ITPRID1: variants seen among roughly 807,000 people sequenced by gnomAD.
ITPRID1 encodes the protein protein ITPRID1.
In ITPRID1, 96 loss-of-function variants were observed where a neutral mutation model predicts 95.4. The ratio of observed to expected loss-of-function variants is 1.01; its 90% CI spans 0.85 to 1.19. The LOEUF (loss-of-function observed/expected upper bound fraction) is 1.19, where lower values mean the gene tolerates loss of function less well. Ranked by LOEUF, ITPRID1 falls within the 50% of genes most tolerant of loss-of-function variation. The pLI is 0.00. For synonymous variants in ITPRID1, 510 were observed against 453.6 expected, an observed-to-expected ratio of 1.12 and a Z score of -1.58; for missense variants, 1,339 against 1,252.9, an observed-to-expected ratio of 1.07 and a Z score of -1.04.
chr7:31,644,802 G>A (rs1790322609), intron 12 of ITPRID1, among the ~76,000 whole-genome samples: 1 of 152,184 alleles, frequency 6.6e-6, no homozygotes, highest in South Asian at 2.1e-4. Context: ...TGTATAGAGA[G>A]TTGAAAAGGT....
chr7:31,561,886 A>G (rs1784634523), intron 5 of ITPRID1, among the ~76,000 whole-genome samples: 1 of 152,126 alleles, frequency 6.6e-6, no homozygotes, highest in South Asian at 2.1e-4. Flanking sequence ...ATATGGATCC[A>G]TAGACCTTCC....
At chr7:31,572,265 C>A in intron 7 of ITPRID1, 77 bp downstream of exon 7, 1 of 895,626 alleles carries the variant, frequency 1.1e-6, no homozygotes, top group Non-Finnish European at 1.8e-6. Context: ...TATAAATAGG[C>A]ACTTGTTGAA....
At chr7:31,554,622 G>A (rs1039395469) in intron 4 of ITPRID1, 99 bp downstream of exon 4, 50 of 1,433,122 alleles carry the variant, frequency 3.5e-5, no homozygotes, top group Non-Finnish European at 4.5e-5. Context: ...GGGAAGTGTA[G>A]GGATTTTCAT....
rs760232536 is a variant in ITPRID1, at chr7:31,653,618, G to C, written c.*789G>C. 6.6e-6 allele frequency: 1 copy of C among 152,016 alleles called. No homozygotes were observed. Among genetic ancestry groups the C allele is most frequent in the Non-Finnish European group, 1.5e-5 (1 of 67,994 alleles). The allele number at this position is 152,016 out of a possible 1,614,324, so 9.4% of individuals were successfully genotyped here. A position where few individuals can be genotyped will look rare whatever the true frequency, so the allele number is the denominator to read the frequency against. The stretch of plus-strand genomic sequence containing the variant: ...GGGCAAATTGTGAGGGAGGTATTTA[G>C]CTTTTAAAAAAATCTTTGTAGCTAT... On this transcript the variant is annotated 3_prime_UTR_variant, in exon 15 of 15. Coordinates refer to ENST00000615280, the MANE Select transcript of ITPRID1 (RefSeq NM_001257967.3).
At chr7:31,599,662 T>C (rs370737488) in intron 10 of ITPRID1, among the ~76,000 whole-genome samples, 8,871 of 30,474 alleles carry the variant, frequency 0.29, 1,004 homozygotes, top group African/African-American at 0.43. Flanking sequence ...TTTCTTTCCT[T>C]TCTCTCTCTC....
At chr7:31,552,706 T>C (rs1318105904) in intron 2 of ITPRID1, among the ~76,000 whole-genome samples, 1 of 152,166 alleles carries the variant, frequency 6.6e-6, no homozygotes, top group African/African-American at 2.4e-5. Flanking sequence ...TCTAATTTCT[T>C]TGCTCTCCGT....
chr7:31,643,189 G>A lies in ITPRID1; in HGVS notation c.1819G>A (p.Asp607Asn). The change falls in exon 12 of 15, where the codon GAC becomes AAC. Residue 607 changes from aspartate to asparagine, a missense_variant. Coordinates refer to ENST00000615280, the MANE Select transcript of ITPRID1 (RefSeq NM_001257967.3). ...GTCACCTGGAAATGATCATACTCAAGACAAGTTCCTTCATGTTGACTCTGA... is the reference window on the plus strand; with the variant it reads ...GTCACCTGGAAATGATCATACTCAAAACAAGTTCCTTCATGTTGACTCTGA... ...QRSPGNDHTQ[D>N]KFLHVDSEAP... is the part of the protein sequence containing the mutation. 6 of 1,613,940 alleles carry A rather than the reference G, an allele frequency of 3.7e-6. No individual in the cohort carries two copies. The highest frequency in any genetic ancestry group is 5.1e-6 in the Non-Finnish European group (6 of 1,179,880).
intron 5 of ITPRID1, among the ~76,000 whole-genome samples, chr7:31,559,491 T>G (rs2128139065): frequency 6.6e-6 from 1 of 152,178 alleles, no homozygotes; most frequent in Non-Finnish European, 1.5e-5. Flanking sequence ...CAAAATCCTG[T>G]CTCTACTAAA....
chr7:31,520,111 C>G (rs1783193221), intron 1 of ITPRID1, among the ~76,000 whole-genome samples: 1 of 151,946 alleles, frequency 6.6e-6, no homozygotes, highest in African/African-American at 2.4e-5. Context: ...AAGTATACTG[C>G]AGACTTTTTT....
chr7:31,526,112 A>G (rs1309726678), intron 1 of ITPRID1, among the ~76,000 whole-genome samples: 1 of 152,214 alleles, frequency 6.6e-6, no homozygotes. Context: ...GGTTTGGTGA[A>G]CATAAAACAA....
intron 4 of ITPRID1, 24 bp from the exon 5 acceptor site, chr7:31,554,834 C>A: frequency 3.2e-6 from 5 of 1,541,180 alleles, no homozygotes; most frequent in South Asian, 2.4e-5. Flanking sequence ...TTGTTTGACT[C>A]ACAATACTTT....
chr7:31,544,640 G>T (rs1434207631), intron 1 of ITPRID1, among the ~76,000 whole-genome samples: 2 of 151,960 alleles, frequency 1.3e-5, no homozygotes, highest in African/African-American at 4.8e-5. Context: ...ATTACATTCT[G>T]CCTCATAACA....
chr7:31,520,970 CTCTTT>C (rs1423212678), intron 1 of ITPRID1, among the ~76,000 whole-genome samples: 4 of 151,998 alleles, frequency 2.6e-5, no homozygotes, highest in Non-Finnish European at 5.9e-5. Flanking sequence ...GCTGTCTTCT[CTCTTT>C]TCTTCTCATT....
intron 1 of ITPRID1, among the ~76,000 whole-genome samples, chr7:31,545,433 G>A (rs1002307164): frequency 5.3e-5 from 8 of 152,002 alleles, no homozygotes; most frequent in African/African-American, 1.9e-4. Flanking sequence ...GTTGGATAAA[G>A]AGGGAAATCA....
intron 10 of ITPRID1, among the ~76,000 whole-genome samples, chr7:31,594,651 G>A (rs1786002051): frequency 6.6e-6 from 1 of 152,096 alleles, no homozygotes; most frequent in African/African-American, 2.4e-5. Context: ...GAGGTCAGAA[G>A]TTTGAGGCCA....
In ITPRID1 at chr7:31,637,581, GTTGT is replaced by G. The variant is rs529155601; in HGVS notation, c.1229-4588_1229-4585del. Among the ~76,000 whole-genome samples the G allele has an allele frequency of 6.1e-3, 930 of 152,258 alleles. 13 individuals are homozygous for G. The highest frequency in any genetic ancestry group is 0.021 in the African/African-American group (891 of 41,556). Reference sequence around the variant, plus strand: ...TATCCTTTACCCACTTTTTGATGGGGTTGTTTGTTTTTTCTCGTAAATTTGTTTG... The same window carrying G: ...TATCCTTTACCCACTTTTTGATGGGGTTGTTTTTTCTCGTAAATTTGTTTG... On this transcript the variant is annotated intron_variant, in intron 10 of 14. Transcript: ENST00000615280.
intron 12 of ITPRID1, among the ~76,000 whole-genome samples, chr7:31,647,795 T>C (rs993953178): frequency 6.6e-6 from 1 of 151,704 alleles, no homozygotes; most frequent in African/African-American, 2.4e-5. Context: ...ACTTGAAGAC[T>C]CAAAAACATC....
intron 10 of ITPRID1, among the ~76,000 whole-genome samples, chr7:31,618,295 A>T (rs909277166): frequency 2.0e-5 from 3 of 152,176 alleles, no homozygotes; most frequent in South Asian, 4.1e-4. Flanking sequence ...CATAAAAAGT[A>T]ATTAGGACTG....
chr7:31,632,117 A>G (rs893193689), intron 10 of ITPRID1, among the ~76,000 whole-genome samples: 2 of 152,212 alleles, frequency 1.3e-5, no homozygotes, highest in African/African-American at 4.8e-5. Context: ...TCAATGCCAT[A>G]GACAACACAG....
Sources: gnomAD v4.1 joint callset for allele counts (sites outside exome capture counted in the v4.1 genomes callset) on GRCh38, gnomAD v4.1.1 for gene constraint, MANE v1.5 for transcripts, NCBI Gene and HGNC (gene_info 2026-07-23, HGNC 2026-07-21) for gene names.